The following DOK6 variants were observed in gnomAD, a reference collection of about 807,000 sequenced individuals.
DOK6 encodes downstream of tyrosine kinase 6.
A neutral mutation model predicts 44.0 loss-of-function variants in DOK6; 22 were observed. That is an observed-to-expected ratio of 0.50 (90% CI 0.36 to 0.71). The LOEUF is 0.71. Among genes scored for constraint, DOK6 ranks in the 30% least tolerant of loss-of-function variants. DOK6 has a pLI of 0.00. For missense variants in DOK6, 340 were observed against 416.4 expected, an observed-to-expected ratio of 0.82 and a Z score of 1.60; for synonymous variants, 166 against 145.5, an observed-to-expected ratio of 1.14 and a Z score of -1.01.
chr18:69,503,861 T>C (rs959974758), intron 1 of DOK6, among the ~76,000 whole-genome samples: 1 of 152,022 alleles, frequency 6.6e-6, no homozygotes, highest in Admixed American at 6.6e-5. Flanking sequence ...GAGTCATTAT[T>C]CTCTGGAACA....
chr18:69,519,122 A>G (rs1348113854), intron 1 of DOK6, among the ~76,000 whole-genome samples: 1 of 152,054 alleles, frequency 6.6e-6, no homozygotes, highest in Non-Finnish European at 1.5e-5. Context: ...AAGAATGGGA[A>G]TATTACTCAT....
At chr18:69,628,108 A>G (rs914591999) in intron 3 of DOK6, among the ~76,000 whole-genome samples, 1 of 152,190 alleles carries the variant, frequency 6.6e-6, no homozygotes, top group Non-Finnish European at 1.5e-5. Context: ...GTTTTATCAT[A>G]CAGTGTTTCC....
Position 69,650,720 on chromosome 18 carries a change from G to T in DOK6, c.290-27014G>T, listed in dbSNP as rs148712692. ...TTGTGCTTACCTTGAACAGTACTGC[G>T]TCATACACTCAAACTCTGTGATCTC... On this transcript the variant is annotated intron_variant, in intron 3 of 7. Coordinates refer to ENST00000382713, the MANE Select transcript of DOK6 (RefSeq NM_152721.6). 2.7e-3 allele frequency among the ~76,000 whole-genome samples: 417 copies of T among 152,138 alleles called. 4 individuals are homozygous for T. The highest frequency in any genetic ancestry group is 9.8e-3 in the African/African-American group (408 of 41,500).
intron 1 of DOK6, among the ~76,000 whole-genome samples, chr18:69,527,581 T>C (rs998068039): frequency 6.6e-6 from 1 of 151,794 alleles, no homozygotes; most frequent in South Asian, 2.1e-4. Flanking sequence ...CAATTCAAGA[T>C]GAGATTTGGG....
chr18:69,848,048 C>CAT lies in DOK6; in HGVS notation c.*6666_*6667insTA, dbSNP rs1472898301. 2.0e-5 allele frequency: 3 copies of CAT among 147,804 alleles called. No homozygotes were observed. Among genetic ancestry groups the CAT allele is most frequent in the African/African-American group, 7.6e-5 (3 of 39,606 alleles). 9.2% of individuals were successfully genotyped at this position (147,804 alleles called of 1,614,324 possible). A position where few individuals can be genotyped will look rare whatever the true frequency, so the allele number is the denominator to read the frequency against. On this transcript the variant is annotated 3_prime_UTR_variant, in exon 8 of 8. Coordinates refer to ENST00000382713, the MANE Select transcript of DOK6 (RefSeq NM_152721.6). ...ACACACACACACACACACACACACACACACACACACACACATTTTTGGCTT... is the reference window on the plus strand; with the variant it reads ...ACACACACACACACACACACACACACATACACACACACACACATTTTTGGCTT...
chr18:69,726,034 A>ACG (rs992925615), intron 5 of DOK6, among the ~76,000 whole-genome samples: 65 of 152,252 alleles, frequency 4.3e-4, no homozygotes, highest in African/African-American at 1.5e-3. Context: ...TGATTGTCTC[A>ACG]CCAGCCAGCA....
intron 5 of DOK6, among the ~76,000 whole-genome samples, chr18:69,711,378 T>C (rs1249688192): frequency 1.3e-5 from 2 of 152,224 alleles, no homozygotes; most frequent in Non-Finnish European, 2.9e-5. Context: ...AATGAAGCTG[T>C]GATTAAAAAC....
chr18:69,505,087 C>G (rs142621421), intron 1 of DOK6, among the ~76,000 whole-genome samples: 162 of 152,270 alleles, frequency 1.1e-3, no homozygotes, highest in African/African-American at 3.7e-3. Flanking sequence ...GTTCTCTTTT[C>G]TAGTTCCCAC....
intron 3 of DOK6, among the ~76,000 whole-genome samples, chr18:69,606,776 T>C (rs1267808900): frequency 8.0e-6 from 1 of 125,006 alleles, no homozygotes; most frequent in African/African-American, 2.7e-5. Context: ...TTTTTTTTTT[T>C]TGGAGACAGA....
intron 3 of DOK6, among the ~76,000 whole-genome samples, chr18:69,649,868 G>T (rs926992172): frequency 6.6e-6 from 1 of 152,256 alleles, no homozygotes; most frequent in Non-Finnish European, 1.5e-5. Flanking sequence ...GAGATGGTAA[G>T]ATATGATGTC....
intron 6 of DOK6, among the ~76,000 whole-genome samples, chr18:69,747,031 A>G (rs533558202): frequency 1.3e-5 from 2 of 152,324 alleles, no homozygotes; most frequent in South Asian, 4.1e-4. Flanking sequence ...CCGTGTCACC[A>G]TGAACAAATT....
At chr18:69,507,411 C>G (rs1165471674) in intron 1 of DOK6, among the ~76,000 whole-genome samples, 1 of 152,128 alleles carries the variant, frequency 6.6e-6, no homozygotes, top group Non-Finnish European at 1.5e-5. Context: ...TTTTGCCTCT[C>G]TAATTCCCTT....
intron 7 of DOK6, among the ~76,000 whole-genome samples, chr18:69,786,289 AAT>A (rs1255603287): frequency 2.0e-5 from 3 of 152,198 alleles, no homozygotes; most frequent in African/African-American, 7.2e-5. Context: ...TGATTTTTGA[AAT>A]ATGTGTTGAT....
chr18:69,486,129 A>G (rs183937117), intron 1 of DOK6, among the ~76,000 whole-genome samples: 109 of 152,054 alleles, frequency 7.2e-4, no homozygotes, highest in Non-Finnish European at 1.3e-3. Context: ...TAACATTATT[A>G]TACTCATTAT....
At chr18:69,739,152 G>C (rs1313142261) in intron 6 of DOK6, 49 bp downstream of exon 6, 2 of 1,605,936 alleles carry the variant, frequency 1.2e-6, no homozygotes, top group Non-Finnish European at 1.7e-6. Context: ...GAATGTCACT[G>C]GGATCTGATG....
intron 7 of DOK6, among the ~76,000 whole-genome samples, chr18:69,824,738 C>T (rs1981690862): frequency 6.6e-6 from 1 of 152,170 alleles, no homozygotes. Context: ...TGAATCCAGG[C>T]TGAAGTGTTA....
At chr18:69,402,538 G>A (rs1402546742) in intron 1 of DOK6, among the ~76,000 whole-genome samples, 3 of 152,328 alleles carry the variant, frequency 2.0e-5, no homozygotes, top group South Asian at 2.1e-4. Flanking sequence ...GGGAGTTGGC[G>A]GCGCCAGGTG....
chr18:69,707,135 G>A (rs1299737920), intron 5 of DOK6, among the ~76,000 whole-genome samples: 1 of 152,206 alleles, frequency 6.6e-6, no homozygotes, highest in Non-Finnish European at 1.5e-5. Flanking sequence ...CAAGGGACGT[G>A]AAGGACCTCT....
At chr18:69,725,074 A>T (rs1310423800) in intron 5 of DOK6, 1 of 152,226 alleles carries the variant, frequency 6.6e-6, no homozygotes, top group Non-Finnish European at 1.5e-5. Context: ...GAGCCCCTGA[A>T]TTCTCCTGAA....
Sources: allele counts gnomAD v4.1 joint callset (sites outside exome capture counted in the v4.1 genomes callset), GRCh38; gene constraint gnomAD v4.1.1; transcripts MANE v1.5; gene names NCBI Gene and HGNC (gene_info 2026-07-23, HGNC 2026-07-21).